TJP2: variants seen among roughly 807,000 people sequenced by gnomAD.
TJP2 encodes tight junction protein 2.
In TJP2, 91 loss-of-function variants were observed where a neutral mutation model predicts 133.1. That is an observed-to-expected ratio of 0.68 (90% confidence interval 0.58 to 0.81). The LOEUF is 0.81. TJP2 is among the 40% of genes least tolerant of loss of function. The pLI is 0.00. For synonymous variants in TJP2, 592 were observed against 583.4 expected (o/e 1.01, Z -0.21); for missense variants, 1,541 against 1,565.6 (o/e 0.98, Z 0.26).
At chr9:69,197,797 G>A (rs914838140) in intron 1 of TJP2, among the ~76,000 whole-genome samples, 2 of 152,200 alleles carry the variant, frequency 1.3e-5, no homozygotes, top group Admixed American at 1.3e-4. Flanking sequence ...GAGTGTGTAG[G>A]GGGACTGAGC....
chr9:69,135,396 G>A (rs946834360), intron 1 of TJP2, among the ~76,000 whole-genome samples: 1 of 152,160 alleles, frequency 6.6e-6, no homozygotes, highest in South Asian at 2.1e-4. Flanking sequence ...GTGAAGCTGG[G>A]ATTCTGACCA....
At chr9:69,206,357 C>G (rs542020341) in intron 1 of TJP2, among the ~76,000 whole-genome samples, 3 of 152,274 alleles carry the variant, frequency 2.0e-5, no homozygotes, top group African/African-American at 7.2e-5. Context: ...GCTTTACCCT[C>G]TTTGCCCCTT....
At chr9:69,168,611 A>ACGGT (rs1287427084) in intron 2 of TJP2, among the ~76,000 whole-genome samples, 3 of 152,032 alleles carry the variant, frequency 2.0e-5, no homozygotes, top group African/African-American at 7.2e-5. Flanking sequence ...CCTGGCCAAC[A>ACGGT]CGGTGAAACC....
intron 1 of TJP2, among the ~76,000 whole-genome samples, chr9:69,141,748 G>A (rs1021377802): frequency 6.6e-6 from 1 of 152,046 alleles, no homozygotes; most frequent in Admixed American, 6.6e-5. Context: ...CCACCACCAT[G>A]CCCGGCTTTT....
intron 2 of TJP2, among the ~76,000 whole-genome samples, chr9:69,152,333 G>A (rs940245453): frequency 1.3e-5 from 2 of 152,212 alleles, no homozygotes; most frequent in African/African-American, 4.8e-5. Flanking sequence ...AATTTTGACA[G>A]ATGTGGGATG....
chr9:69,245,068 C>T (rs1179082978), intron 17 of TJP2, among the ~76,000 whole-genome samples: 1 of 152,124 alleles, frequency 6.6e-6, no homozygotes. Flanking sequence ...TTTTAAGTAT[C>T]ATATTTTAGC....
chr9:69,228,819 C>A (rs957595007), intron 9 of TJP2, among the ~76,000 whole-genome samples: 2 of 152,072 alleles, frequency 1.3e-5, no homozygotes, highest in Non-Finnish European at 2.9e-5. Flanking sequence ...CATCCTTGAT[C>A]CTGACCTCTT....
chr9:69,235,725 A>G (rs1367846569), intron 12 of TJP2, among the ~76,000 whole-genome samples: 1 of 152,214 alleles, frequency 6.6e-6, no homozygotes, highest in Non-Finnish European at 1.5e-5. Context: ...TTCTTTGCTC[A>G]GTCTACCCAT....
Position 69,219,980 on chromosome 9 carries a change from G to A in TJP2, c.343-907G>A, listed in dbSNP as rs566468743. ...AGCCTGGCCAACATGGTGAAACCCCGTCTCTACTAAAAATACAAAAATTAG... is the reference window on the plus strand; with the variant it reads ...AGCCTGGCCAACATGGTGAAACCCCATCTCTACTAAAAATACAAAAATTAG... On this transcript the variant is annotated intron_variant, in intron 4 of 22. Transcript: ENST00000377245. Among the ~76,000 whole-genome samples the A allele has an allele frequency of 4.9e-3, 751 of 152,036 alleles. 2 individuals are homozygous for A. Among genetic ancestry groups the A allele is most frequent in the Non-Finnish European group, 7.9e-3 (536 of 67,980 alleles).
intron 17 of TJP2, among the ~76,000 whole-genome samples, chr9:69,241,610 A>G (rs1392485250): frequency 6.6e-6 from 1 of 152,220 alleles, no homozygotes; most frequent in Non-Finnish European, 1.5e-5. Flanking sequence ...ATTTCTGTGA[A>G]TGTAGTCTTA....
At chr9:69,234,964 T>G (rs1830074684) in intron 12 of TJP2, among the ~76,000 whole-genome samples, 1 of 152,132 alleles carries the variant, frequency 6.6e-6, no homozygotes, top group African/African-American at 2.4e-5. Flanking sequence ...GTGTTGAGAG[T>G]GTCCTCCTTG....
At chr9:69,164,450 T>C (rs1824243339) in intron 2 of TJP2, among the ~76,000 whole-genome samples, 6 of 152,150 alleles carry the variant, frequency 3.9e-5, no homozygotes, top group Admixed American at 2.6e-4. Context: ...GTGAAAATTT[T>C]TGTTTACTGA....
intron 16 of TJP2, among the ~76,000 whole-genome samples, chr9:69,239,111 C>A (rs1405460693): frequency 7.9e-5 from 12 of 152,216 alleles, no homozygotes; most frequent in Admixed American, 7.2e-4. Flanking sequence ...ATCGCTTGAA[C>A]TCAGGAGGCG....
At position 69,249,403 on chromosome 9, in the gene TJP2, G is replaced by A. The variant is rs150494393; in HGVS notation, c.2909G>A (p.Arg970Gln). 1.4e-4 allele frequency: 218 copies of A among 1,611,328 alleles called. No homozygotes were observed. Among genetic ancestry groups the A allele is most frequent in the Middle Eastern group, 1.2e-3 (7 of 6,080 alleles). ...ATAAGGAAACCCAGCCCAGAGCCAC[G>A]AGCTCAGATGAGGAGGGCTGCTAGC... is the stretch of plus-strand genomic sequence containing the variant. The part of the protein sequence containing the change: ...ESIRKPSPEP[R>Q]AQMRRAASSD... Residue 970 changes from arginine (R) to glutamine (Q), a missense_variant, in exon 20 of 23, where the codon CGA becomes CAA. Coordinates refer to ENST00000377245, the MANE Select transcript of TJP2 (RefSeq NM_004817.4).
rs114887950 is a variant in TJP2, at chr9:69,134,847, A to G, written c.-131+13122A>G. On this transcript the variant is annotated intron_variant, in intron 1 of 5. Transcript: ENST00000423935. ...CCAGGATGGTCAGGTTCGTGGTGAG[A>G]ACCCTTTTCCTGGCTTGCAGACAGC... Among the ~76,000 whole-genome samples the G allele has an allele frequency of 9.6e-3, 1,457 of 152,134 alleles. 30 individuals carry two copies. The highest frequency in any genetic ancestry group is 0.032 in the African/African-American group (1,336 of 41,492).
Position 69,126,550 on chromosome 9 carries a change from A to G in TJP2, c.-131+4825A>G, listed in dbSNP as rs1168672889. On this transcript the variant is annotated intron_variant, in intron 1 of 5. Coordinates refer to the TJP2 transcript ENST00000423935. ...CAACCAGCTGAATGAACCACAGTAA[A>G]TCTCATAAGCTCGAAGCTGCCACAT... is the stretch of plus-strand genomic sequence containing the variant. Among the ~76,000 whole-genome samples the G allele has an allele frequency of 2.6e-5, 2 of 77,532 alleles. 1 individual carries two copies. Among genetic ancestry groups the G allele is most frequent in the Non-Finnish European group, 6.0e-5 (2 of 33,594 alleles). The allele number at this position is 77,532 out of a possible 152,430, so 50.9% of individuals were successfully genotyped here. A position where few individuals can be genotyped will look rare whatever the true frequency, so the allele number is the denominator to read the frequency against.
intron 1 of TJP2, among the ~76,000 whole-genome samples, chr9:69,149,486 A>G (rs1823367636): frequency 6.6e-6 from 1 of 152,216 alleles, no homozygotes; most frequent in Non-Finnish European, 1.5e-5. Flanking sequence ...TCCTGGGAGA[A>G]GGGAAATGTG....
At chr9:69,169,422 G>C (rs190328819), upstream of TJP2, among the ~76,000 whole-genome samples, 4 of 149,734 alleles carry the variant, frequency 2.7e-5, no homozygotes, top group South Asian at 4.2e-4. Flanking sequence ...GCAGTGGCGT[G>C]ATCTCGGCTT....
chr9:69,127,308 A>G (rs34095588), intron 1 of TJP2, among the ~76,000 whole-genome samples: 16,125 of 73,942 alleles, frequency 0.22, 6,727 homozygotes, highest in East Asian at 0.72. Flanking sequence ...TGACCTCGTG[A>G]TCCGCCTGCC....
Sources: allele counts gnomAD v4.1 joint callset (sites outside exome capture counted in the v4.1 genomes callset), GRCh38; gene constraint gnomAD v4.1.1; transcripts MANE v1.5; gene names NCBI Gene and HGNC (gene_info 2026-07-23, HGNC 2026-07-21).